Variants in TBC1D20 observed in about 807,000 individuals in gnomAD.
The protein encoded by TBC1D20 is TBC1 domain family member 20, also known as chromosome 20 open reading frame 140.
TBC1D20 carries 12 observed loss-of-function variants against 41.6 expected under a neutral mutation model. The ratio of observed to expected loss-of-function variants is 0.29; its 90% CI spans 0.18 to 0.47. The LOEUF (loss-of-function observed/expected upper bound fraction) is 0.47. Ranked by LOEUF, TBC1D20 falls within the 20% of genes least tolerant of loss-of-function variation. The pLI is 1.00. For synonymous variants in TBC1D20, 205 were observed against 204.8 expected (o/e 1.00, Z -0.01); for missense variants, 421 against 517.4 (o/e 0.81, Z 1.81).
At chr20:456,329 G>A (rs954094204) in intron 1 of TBC1D20, among the ~76,000 whole-genome samples, 4 of 137,668 alleles carry the variant, frequency 2.9e-5, no homozygotes, top group African/African-American at 1.0e-4. Context: ...CTTGACTCAG[G>A]TGTGTCCTTT....
intron 1 of TBC1D20, 128 bp downstream of exon 1, chr20:462,208 G>T (rs944735418): frequency 5.6e-5 from 26 of 461,180 alleles, no homozygotes; most frequent in Non-Finnish European, 7.6e-5. Flanking sequence ...TGTTCCTCTC[G>T]CCGCCCGGAA....
At position 459,413 on chromosome 20, in the gene TBC1D20, T is replaced by C. The variant is rs992237009; in HGVS notation, c.70+2923A>G. Reference sequence around the variant, plus strand: ...AATCCTTTCTTCTCCAATTTCTTTATTGCCCCACTTACAAGATAGTGCACT... The same window carrying C: ...AATCCTTTCTTCTCCAATTTCTTTACTGCCCCACTTACAAGATAGTGCACT... On this transcript the variant is annotated intron_variant, in intron 1 of 7. Transcript: ENST00000354200. Among the ~76,000 whole-genome samples, 10 of 152,202 alleles carry C rather than the reference T, an allele frequency of 6.6e-5. No homozygotes were observed. The South Asian group carries it at 8.3e-4, about 13-fold the overall frequency.
At chr20:441,526 T>G in intron 5 of TBC1D20, 62 bp downstream of exon 5, 2 of 1,411,582 alleles carry the variant, frequency 1.4e-6, no homozygotes, top group Non-Finnish European at 2.0e-6. Context: ...GAGGAGTGTT[T>G]CAGGTGTGGG....
At position 438,835 on chromosome 20, in the gene TBC1D20, T is replaced by G; in HGVS notation, c.963A>C (p.Ala321=). The G allele has an allele frequency of 6.2e-7, 1 of 1,612,974 alleles. No individual in the cohort carries two copies. The highest frequency in any genetic ancestry group is 8.5e-7 in the Non-Finnish European group (1 of 1,179,092). The change falls in exon 8 of 8, where the codon GCA becomes GCC. Residue 321 remains alanine, a synonymous_variant. Coordinates refer to ENST00000354200, the MANE Select transcript of TBC1D20 (RefSeq NM_144628.4). ...AAAQQQAERT[A]ASTFKDFELA... is the part of the protein sequence containing the mutation. ...GCTCAAAGTCTTTGAAAGTAGAGGC[T>G]GCCGTCCTGCAGGGGAAAGAGACGG...
intron 1 of TBC1D20, among the ~76,000 whole-genome samples, chr20:450,502 T>C (rs1162601744): frequency 6.6e-6 from 1 of 152,158 alleles, no homozygotes; most frequent in Non-Finnish European, 1.5e-5. Flanking sequence ...CCAGTGTGGC[T>C]GGTGACACTG....
At chr20:449,080 C>T (rs1039182994) in intron 1 of TBC1D20, among the ~76,000 whole-genome samples, 1 of 149,282 alleles carries the variant, frequency 6.7e-6, no homozygotes, top group African/African-American at 2.5e-5. Context: ...CTCCTGACGT[C>T]GTGATCCTCC....
chr20:435,750 G>A lies in TBC1D20; in HGVS notation c.*2836C>T, dbSNP rs1191675556. On this transcript the variant is annotated 3_prime_UTR_variant, in exon 8 of 8. Coordinates refer to ENST00000354200, the MANE Select transcript of TBC1D20 (RefSeq NM_144628.4). ...GGCATGGCTGAAGCATGGCAGCTGT[G>A]TTGAGATGAAACTGGACAAAAAGCA... The A allele has an allele frequency of 2.0e-5, 3 of 152,512 alleles. No individual in the cohort carries two copies. The highest frequency in any genetic ancestry group is 4.4e-5 in the Non-Finnish European group (3 of 68,152). 9.4% of individuals were successfully genotyped at this position (152,512 alleles called of 1,614,324 possible). A position where few individuals can be genotyped will look rare whatever the true frequency, so the allele number is the denominator to read the frequency against.
At chr20:454,411 T>C (rs2122418772) in intron 1 of TBC1D20, among the ~76,000 whole-genome samples, 1 of 152,272 alleles carries the variant, frequency 6.6e-6, no homozygotes, top group Non-Finnish European at 1.5e-5. Flanking sequence ...GGCCAGGAGA[T>C]ACGGCCCTTC....
chr20:452,766 A>C (rs1420904236), intron 1 of TBC1D20, among the ~76,000 whole-genome samples: 1 of 152,236 alleles, frequency 6.6e-6, no homozygotes, highest in Non-Finnish European at 1.5e-5. Context: ...CAGAAGGTAC[A>C]TTAGGTTTTA....
At chr20:458,813 T>C (rs1372296276) in intron 1 of TBC1D20, among the ~76,000 whole-genome samples, 1 of 152,206 alleles carries the variant, frequency 6.6e-6, no homozygotes, top group African/African-American at 2.4e-5. Flanking sequence ...CAGAACTCTC[T>C]AAACAGATCT....
chr20:447,841 C>G, intron 2 of TBC1D20, 48 bp downstream of exon 2: 1 of 1,493,448 alleles, frequency 6.7e-7, no homozygotes, highest in Non-Finnish European at 9.1e-7. Context: ...TTCTTTTCCC[C>G]CTGTCTCCTA....
At chr20:442,168 C>T (rs951454463) in intron 3 of TBC1D20, 125 bp from the exon 4 acceptor site, 1 of 874,758 alleles carries the variant, frequency 1.1e-6, no homozygotes, top group African/African-American at 1.7e-5. Context: ...TTTGGCAACG[C>T]ATATCAAGAT....
At chr20:447,785 A>G in intron 2 of TBC1D20, 104 bp downstream of exon 2, 1 of 990,514 alleles carries the variant, frequency 1.0e-6, no homozygotes, top group Non-Finnish European at 1.4e-6. Context: ...AGATTTATTC[A>G]TATACCCTTG....
Position 435,720 on chromosome 20 carries a change from G to C in TBC1D20, c.*2866C>G, listed in dbSNP as rs2017105594. 1 of 152,684 alleles carries C rather than the reference G, an allele frequency of 6.5e-6. No homozygotes were observed. The highest frequency in any genetic ancestry group is 1.9e-4 in the East Asian group (1 of 5,200). The allele number at this position is 152,684 out of a possible 1,614,324, so 9.5% of individuals were successfully genotyped here. A position where few individuals can be genotyped will look rare whatever the true frequency, so the allele number is the denominator to read the frequency against. On this transcript the variant is annotated 3_prime_UTR_variant, in exon 8 of 8. Transcript: ENST00000354200. ...CTGGGCCTTTTATGGAGACGTCATT[G>C]GATAGGCATGGCTGAAGCATGGCAG...
chr20:456,198 T>C (rs978348730), intron 1 of TBC1D20, among the ~76,000 whole-genome samples: 1 of 152,102 alleles, frequency 6.6e-6, no homozygotes, highest in Non-Finnish European at 1.5e-5. Context: ...TGAGGCATGA[T>C]TGTGCCACTG....
intron 1 of TBC1D20, among the ~76,000 whole-genome samples, chr20:459,583 C>G (rs994304494): frequency 6.6e-6 from 1 of 152,148 alleles, no homozygotes; most frequent in Non-Finnish European, 1.5e-5. Context: ...AAAAGTAATT[C>G]ATTCAACAAA....
At chr20:443,516 G>T (rs138203833) in intron 3 of TBC1D20, among the ~76,000 whole-genome samples, 1 of 152,214 alleles carries the variant, frequency 6.6e-6, no homozygotes, top group East Asian at 1.9e-4. Context: ...AAACTAAACC[G>T]GACAAAGGAT....
At chr20:444,485 T>C (rs182059265) in intron 3 of TBC1D20, among the ~76,000 whole-genome samples, 281 of 151,494 alleles carry the variant, frequency 1.9e-3, no homozygotes, top group African/African-American at 3.2e-3. Flanking sequence ...ACTGTGAAAA[T>C]TGAGACAACG....
intron 3 of TBC1D20, among the ~76,000 whole-genome samples, chr20:442,274 A>C (rs1007677754): frequency 3.3e-5 from 5 of 152,360 alleles, no homozygotes; most frequent in African/African-American, 1.2e-4. Context: ...TGCTGCAGTT[A>C]ATACTGCTGG....
Sources: gnomAD v4.1 joint callset for allele counts (sites outside exome capture counted in the v4.1 genomes callset) on GRCh38, gnomAD v4.1.1 for gene constraint, MANE v1.5 for transcripts, NCBI Gene and HGNC (gene_info 2026-07-23, HGNC 2026-07-21) for gene names.